CHD8: variants seen among roughly 807,000 people sequenced by gnomAD.
CHD8 encodes the protein chromodomain helicase DNA binding protein 8, also known as ATP-dependent chromatin remodeler CHD8.
Under a neutral mutation model 279.2 loss-of-function variants are expected in CHD8, and 31 were observed. The observed-to-expected ratio is 0.11, with a 90% CI of 0.08 to 0.15. CHD8 has a LOEUF of 0.15. CHD8 is among the 10% of genes least tolerant of loss of function. CHD8 has a pLI of 1.00. For missense variants in CHD8, 2,146 were observed against 3,230.5 expected (o/e 0.66, Z 8.14); for synonymous variants, 1,081 against 1,139.6 (o/e 0.95, Z 1.04).
intron 1 of CHD8, among the ~76,000 whole-genome samples, chr14:21,438,502 C>A (rs1594387648): frequency 2.6e-5 from 3 of 116,816 alleles, no homozygotes; most frequent in South Asian, 2.9e-4. Flanking sequence ...CATAGTAACA[C>A]CTAGTCTCTT....
Position 21,393,186 on chromosome 14 carries a change from A to G in CHD8, c.6388T>C (p.Phe2130Leu). ...LLSLTMSQDG[F>L]PNEDGEQMTP... is the part of the protein sequence containing the mutation. ...ATTTGTTCTCCATCTTCATTTGGGA[A>G]TCCATCTTGGGACATAGTGAGGGAC... Residue 2130 changes from phenylalanine (F) to leucine (L), a missense_variant, in exon 33 of 38, where the codon TTC becomes CTC. Phe to Leu is a conservative substitution (Grantham distance 22). Coordinates refer to ENST00000646647, the MANE Select transcript of CHD8 (RefSeq NM_001170629.2). 1 of 1,613,944 alleles carries G rather than the reference A, an allele frequency of 6.2e-7. No homozygotes were observed. Among genetic ancestry groups the G allele is most frequent in the South Asian group, 1.1e-5 (1 of 91,086 alleles).
chr14:21,395,975 C>A, intron 27 of CHD8, 83 bp from the exon 28 acceptor site: 1 of 836,642 alleles, frequency 1.2e-6, no homozygotes, highest in Admixed American at 2.0e-5. Flanking sequence ...CCTAGCCACA[C>A]ATATATCCAG....
Position 21,405,536 on chromosome 14 carries a change from T to C in CHD8, c.3052-72A>G. 1.3e-6 allele frequency: 2 copies of C among 1,548,040 alleles called. No homozygotes were observed. Among genetic ancestry groups the C allele is most frequent in the Non-Finnish European group, 1.7e-6 (2 of 1,148,898 alleles). On this transcript the variant is annotated intron_variant, in intron 15 of 37. Transcript: ENST00000646647. The surrounding 1 kb of genome is among the most constrained non-coding windows in gnomAD (Gnocchi z 4.2). ...AACATTCTCACATTATGTAGAAACA[T>C]GGAAAAATTAGAGTTTTCCACTATC...
intron 37 of CHD8, among the ~76,000 whole-genome samples, chr14:21,386,535 C>G (rs1249601137): frequency 1.3e-5 from 2 of 152,132 alleles, no homozygotes; most frequent in African/African-American, 4.8e-5. Flanking sequence ...TTAGTAAATG[C>G]ACATAAAAAA....
chr14:21,425,211 G>A (rs947323438), intron 5 of CHD8: 3 of 152,040 alleles, frequency 2.0e-5, no homozygotes, highest in Non-Finnish European at 2.9e-5. Flanking sequence ...TTCTTGGAGA[G>A]TTCTAAGAGA....
chr14:21,391,371 C>T (rs1313330086), intron 36 of CHD8, 92 bp downstream of exon 36: 9 of 1,199,362 alleles, frequency 7.5e-6, no homozygotes, highest in East Asian at 4.9e-5. Context: ...GATACAGAAA[C>T]GATGATACAG....
rs1261498985 is a variant in CHD8 at position 21,419,017 on chromosome 14, TACAAACAAA to T, written c.1717-3119_1717-3111del. Among the ~76,000 whole-genome samples, 16 of 152,306 alleles carry T rather than the reference TACAAACAAA, an allele frequency of 1.1e-4. No homozygotes were observed. In the East Asian group the frequency reaches 2.9e-3, roughly 28 times the overall value. On this transcript the variant is annotated intron_variant, in intron 5 of 37. Transcript: ENST00000646647. The stretch of plus-strand genomic sequence containing the variant: ...AACTTCGATACATTTGTCAAAACTA[TACAAACAAA>T]ATTTGTGCATATTTTATGATATGTA...
chr14:21,421,455 A>G (rs1487893727), intron 5 of CHD8, among the ~76,000 whole-genome samples: 1 of 151,988 alleles, frequency 6.6e-6, no homozygotes, highest in Non-Finnish European at 1.5e-5. Context: ...ACCAATGGAC[A>G]TCTAATTTTT....
intron 28 of CHD8, 43 bp from the exon 29 acceptor site, chr14:21,395,395 AAG>A (rs1491566289): frequency 2.1e-6 from 3 of 1,434,870 alleles, no homozygotes; most frequent in Admixed American, 1.9e-5. Context: ...CGGGGAGGGA[AAG>A]GGGGGGAAGT....
chr14:21,444,071 C>A (rs1021941440), intron 1 of CHD8, among the ~76,000 whole-genome samples: 4 of 152,048 alleles, frequency 2.6e-5, no homozygotes, highest in Admixed American at 2.6e-4. Flanking sequence ...GCTTTGAAGT[C>A]CAAGGGACCT....
At position 21,403,610 on chromosome 14, in the gene CHD8, G is replaced by A. The variant is rs754552852; in HGVS notation, c.3361C>T (p.His1121Tyr). The change falls in exon 17 of 38, where the codon CAT becomes TAT. Residue 1121 changes from histidine (H) to tyrosine (Y), a missense_variant. Coordinates refer to ENST00000646647, the MANE Select transcript of CHD8 (RefSeq NM_001170629.2). The surrounding 1 kb of genome is among the most constrained non-coding windows in gnomAD (Gnocchi z 4.3). ...EFREACHIIP[H>Y]DFHLQAMVRS... ...ACCATGGCCTGCAGGTGAAAGTCAT[G>A]AGGTATAATATGGCAAGCTTCACGG... 3 of 1,609,704 alleles carry A rather than the reference G, an allele frequency of 1.9e-6. No homozygotes were observed. The highest frequency in any genetic ancestry group is 2.5e-6 in the Non-Finnish European group (3 of 1,177,852).
chr14:21,392,643 G>A lies in CHD8; in HGVS notation c.6635C>T (p.Pro2212Leu), dbSNP rs1276002313. 27 of 1,613,846 alleles carry A rather than the reference G, an allele frequency of 1.7e-5. No homozygotes were observed. The highest frequency in any genetic ancestry group is 2.2e-5 in the Non-Finnish European group (26 of 1,179,900). The change falls in exon 34 of 38, where the codon CCA (proline) becomes CTA (leucine). Residue 2212 changes from proline (P) to leucine (L), a missense_variant. Coordinates refer to ENST00000646647, the MANE Select transcript of CHD8 (RefSeq NM_001170629.2). ...SLTPGEYGDSPVPTPRSSSAA... is the reference protein window; with the variant it reads ...SLTPGEYGDSLVPTPRSSSAA... ...ACTACTACTTCGTGGTGTGGGGACTGGAGAGTCACCATATTCTCCAGGAGT... is the reference window on the plus strand; with the variant it reads ...ACTACTACTTCGTGGTGTGGGGACTAGAGAGTCACCATATTCTCCAGGAGT...
intron 8 of CHD8, 47 bp downstream of exon 8, chr14:21,414,891 C>A: frequency 1.3e-6 from 2 of 1,485,878 alleles, no homozygotes; most frequent in African/African-American, 1.4e-5. Context: ...AACTTTTTAC[C>A]ACCCTGTGGA....
intron 37 of CHD8, among the ~76,000 whole-genome samples, chr14:21,388,461 G>T (rs1036005570): frequency 1.3e-5 from 2 of 152,246 alleles, no homozygotes; most frequent in East Asian, 3.9e-4. Context: ...AAGTGTGTCG[G>T]TTACATGGAA....
Position 21,385,470 on chromosome 14 carries a change from A to G in CHD8, c.*143T>C. ...CTCATAATTGGGAGCAATCAGGTAC[A>G]TTTTTTTTTTTTTTTCCTTTTCACC... On this transcript the variant is annotated 3_prime_UTR_variant, in exon 38 of 38. Transcript: ENST00000646647. 4.7e-6 allele frequency: 5 copies of G among 1,074,070 alleles called. No individual in the cohort carries two copies. Among genetic ancestry groups the G allele is most frequent in the Non-Finnish European group, 6.3e-6 (5 of 799,370 alleles). 66.5% of individuals were successfully genotyped at this position (1,074,070 alleles called of 1,614,324 possible).
At chr14:21,418,466 G>A (rs1476393112) in intron 5 of CHD8, among the ~76,000 whole-genome samples, 1 of 151,886 alleles carries the variant, frequency 6.6e-6, no homozygotes, top group Non-Finnish European at 1.5e-5. Context: ...GTTGCAGTGA[G>A]CCAAGATCAC....
intron 9 of CHD8, among the ~76,000 whole-genome samples, chr14:21,413,544 G>A (rs1035098965): frequency 4.6e-5 from 7 of 151,846 alleles, no homozygotes; most frequent in Admixed American, 3.3e-4. Context: ...ACAGGTGCCC[G>A]CCACTATGAC....
intron 2 of CHD8, chr14:21,429,943 T>C (rs545706021): frequency 6.1e-6 from 1 of 163,914 alleles, no homozygotes; most frequent in Admixed American, 5.6e-5. Context: ...GAATCTTTTC[T>C]ATAATGCTTC....
intron 4 of CHD8, chr14:21,426,609 A>G (rs1201556744): frequency 5.9e-6 from 1 of 169,836 alleles, no homozygotes; most frequent in Non-Finnish European, 1.2e-5. Context: ...TTAGAGAGAT[A>G]ATACCTGTCC....
Sources: allele counts gnomAD v4.1 joint callset (sites outside exome capture counted in the v4.1 genomes callset), GRCh38; gene constraint gnomAD v4.1.1; non-coding constraint Gnocchi (gnomAD v3.1); transcripts MANE v1.5; gene names NCBI Gene and HGNC (gene_info 2026-07-23, HGNC 2026-07-21).